CSMD1: variants seen among roughly 807,000 people sequenced by gnomAD.
CSMD1 encodes CUB and Sushi multiple domains 1.
A neutral mutation model predicts 417.5 loss-of-function variants in CSMD1; 213 were observed. That is an observed-to-expected ratio of 0.51 (90% CI 0.46 to 0.57). CSMD1 has a LOEUF of 0.57. CSMD1 is among the 20% of genes least tolerant of loss of function. The pLI is 0.00. For synonymous variants in CSMD1, 2,862 were observed against 1,736.8 expected, an observed-to-expected ratio of 1.65 and a Z score of -16.11; for missense variants, 6,923 against 4,529.7, an observed-to-expected ratio of 1.53 and a Z score of -15.17.
intron 26 of CSMD1, chr8:3,278,839 T>C (rs941533319): frequency 6.6e-6 from 1 of 152,198 alleles, no homozygotes; most frequent in Non-Finnish European, 1.5e-5. Flanking sequence ...GTTTCATGGC[T>C]GGATTCGCCA....
intron 3 of CSMD1, among the ~76,000 whole-genome samples, chr8:4,217,651 C>T (rs533092065): frequency 2.2e-4 from 26 of 115,590 alleles, no homozygotes; most frequent in Admixed American, 1.2e-3. Flanking sequence ...CTCAGTTGAC[C>T]TCATCAGAAA....
chr8:3,144,625 C>G (rs1166534695), intron 40 of CSMD1, among the ~76,000 whole-genome samples: 2 of 152,012 alleles, frequency 1.3e-5, no homozygotes, highest in Non-Finnish European at 1.5e-5. Flanking sequence ...GGTGGAGCAA[C>G]TCTTTAAATT....
chr8:4,732,575 C>G (rs775658861), intron 1 of CSMD1, among the ~76,000 whole-genome samples: 3 of 152,130 alleles, frequency 2.0e-5, no homozygotes, highest in Non-Finnish European at 2.9e-5. Flanking sequence ...AGCAACCTGT[C>G]AGAGAAGCAC....
intron 41 of CSMD1, among the ~76,000 whole-genome samples, chr8:3,133,083 G>A (rs1346470804): frequency 6.6e-6 from 1 of 152,222 alleles, no homozygotes; most frequent in Non-Finnish European, 1.5e-5. Context: ...AGCTCTGCGT[G>A]AGCCTGCATC....
At chr8:4,788,031 G>A in intron 1 of CSMD1, 1 of 1,590,468 alleles carries the variant, frequency 6.3e-7, no homozygotes. Context: ...AACTCCTGAA[G>A]GGCTCCAAAT....
intron 2 of CSMD1, among the ~76,000 whole-genome samples, chr8:4,534,923 C>G (rs572477451): frequency 6.6e-6 from 1 of 151,912 alleles, no homozygotes; most frequent in African/African-American, 2.4e-5. Flanking sequence ...CCACCACGCC[C>G]GGCTTATTTC....
At position 3,209,772 on chromosome 8, in the gene CSMD1, T is replaced by A. The variant is rs531987215; in HGVS notation, c.4868-4152A>T. Among the ~76,000 whole-genome samples, 21 of 152,346 alleles carry A rather than the reference T, an allele frequency of 1.4e-4. No individual in the cohort carries two copies. The South Asian group carries it at 4.3e-3, about 32-fold the overall frequency. ...TTTGGTAATTAACATATTAAACAGA[T>A]TATTTCCTAAATGAATAAAGACATA... On this transcript the variant is annotated intron_variant, in intron 30 of 69. Coordinates refer to ENST00000635120, the MANE Select transcript of CSMD1 (RefSeq NM_033225.6).
At chr8:3,944,773 C>A (rs1429419355) in intron 5 of CSMD1, among the ~76,000 whole-genome samples, 14 of 152,132 alleles carry the variant, frequency 9.2e-5, no homozygotes, top group Admixed American at 5.9e-4. Context: ...TCTTTTCTTA[C>A]AAATACCCAA....
At chr8:4,342,602 A>G (rs1800544045) in intron 3 of CSMD1, among the ~76,000 whole-genome samples, 1 of 152,046 alleles carries the variant, frequency 6.6e-6, no homozygotes, top group South Asian at 2.1e-4. Flanking sequence ...TGGGAAAAAA[A>G]AGATGGTAAT....
chr8:4,506,070 G>T (rs1418893042), intron 2 of CSMD1, among the ~76,000 whole-genome samples: 1 of 152,062 alleles, frequency 6.6e-6, no homozygotes, highest in Non-Finnish European at 1.5e-5. Context: ...GCAATCAAAA[G>T]CCATTCGAAT....
At chr8:4,265,207 T>G (rs1045797519) in intron 3 of CSMD1, among the ~76,000 whole-genome samples, 2 of 152,056 alleles carry the variant, frequency 1.3e-5, no homozygotes, top group African/African-American at 4.8e-5. Flanking sequence ...TAACAGTATT[T>G]AAAAATTATT....
chr8:3,793,444 C>T (rs1044152950), intron 5 of CSMD1, among the ~76,000 whole-genome samples: 1 of 152,052 alleles, frequency 6.6e-6, no homozygotes, highest in Non-Finnish European at 1.5e-5. Flanking sequence ...CAAGAACTCC[C>T]CTTTCTAGTA....
intron 25 of CSMD1, among the ~76,000 whole-genome samples, chr8:3,300,653 T>C (rs1804320471): frequency 6.6e-6 from 1 of 152,014 alleles, no homozygotes; most frequent in Non-Finnish European, 1.5e-5. Context: ...CATCATTATG[T>C]ACAACATGAA....
intron 1 of CSMD1, among the ~76,000 whole-genome samples, chr8:4,919,188 G>T (rs1401788379): frequency 6.6e-6 from 1 of 152,158 alleles, no homozygotes; most frequent in Non-Finnish European, 1.5e-5. Flanking sequence ...CTGTAAAACT[G>T]AAACGTACTT....
intron 3 of CSMD1, among the ~76,000 whole-genome samples, chr8:4,209,235 G>A (rs1256796173): frequency 6.6e-6 from 1 of 152,102 alleles, no homozygotes; most frequent in African/African-American, 2.4e-5. Context: ...CACTTGCCCA[G>A]ATTTCTAAAC....
chr8:3,451,641 T>A (rs191875581), intron 12 of CSMD1, among the ~76,000 whole-genome samples: 2 of 152,334 alleles, frequency 1.3e-5, no homozygotes. Flanking sequence ...TATGGCATTA[T>A]TTCTGAGGGC....
chr8:4,170,611 T>C (rs555688308), intron 3 of CSMD1, among the ~76,000 whole-genome samples: 1 of 151,990 alleles, frequency 6.6e-6, no homozygotes, highest in South Asian at 2.1e-4. Context: ...TCTACAAACA[T>C]GAATTCTGGG....
intron 7 of CSMD1, among the ~76,000 whole-genome samples, chr8:3,629,252 C>G (rs11784737): frequency 0.058 from 8,800 of 152,186 alleles, 483 homozygotes; most frequent in East Asian, 0.3. Flanking sequence ...AAAGGTCAAA[C>G]CATGAAGACC....
At position 4,061,029 on chromosome 8, in the gene CSMD1, T is replaced by C. The variant is rs528408115; in HGVS notation, c.416-28930A>G. ...AAGAGAATTAATTTCACAATACCCA[T>C]TGTGATTAATTTATGATGTACAAAA... is the stretch of plus-strand genomic sequence containing the variant. On this transcript the variant is annotated intron_variant, in intron 3 of 69. Transcript: ENST00000635120. 2.4e-3 allele frequency among the ~76,000 whole-genome samples: 356 copies of C among 151,086 alleles called. 3 individuals carry two copies. Among genetic ancestry groups the C allele is most frequent in the Middle Eastern group, 6.8e-3 (2 of 294 alleles).
Sources: gnomAD v4.1 joint callset for allele counts (sites outside exome capture counted in the v4.1 genomes callset) on GRCh38, gnomAD v4.1.1 for gene constraint, MANE v1.5 for transcripts, NCBI Gene and HGNC (gene_info 2026-07-23, HGNC 2026-07-21) for gene names.